Variants in BRINP3 observed in about 807,000 individuals in gnomAD.
The protein encoded by BRINP3 is BMP/retinoic acid-inducible neural-specific protein 3.
BRINP3 carries 19 observed loss-of-function variants against 71.0 expected under a neutral mutation model. The ratio of observed to expected loss-of-function variants is 0.27; its 90% CI spans 0.19 to 0.39. The LOEUF (loss-of-function observed/expected upper bound fraction) is 0.39, where lower values mean the gene tolerates loss of function less well. BRINP3 is among the 10% of genes least tolerant of loss of function. BRINP3 has a pLI of 1.00. For synonymous variants in BRINP3, 380 were observed against 337.7 expected (o/e 1.13, Z -1.37); for missense variants, 959 against 940.8 (o/e 1.02, Z -0.25).
intron 2 of BRINP3, 88 bp from the exon 3 acceptor site, chr1:190,281,838 T>C: frequency 8.3e-7 from 1 of 1,210,966 alleles, no homozygotes; most frequent in East Asian, 2.5e-5. Context: ...GGTCAGTACA[T>C]TACAATGTCT....
rs571974403 is a variant in BRINP3, at chr1:190,412,820, A to C, written c.236+41835T>G. ...TACATTTTTGGTAAAAATGTTAAAA[A>C]AATTTTGGTAAAAAATGCATAATGT... On this transcript the variant is annotated intron_variant, in intron 2 of 7. Transcript: ENST00000367462. 2.6e-3 allele frequency among the ~76,000 whole-genome samples: 389 copies of C among 152,198 alleles called. 3 individuals are homozygous for C. Among genetic ancestry groups the C allele is most frequent in the Middle Eastern group, 0.017 (5 of 294 alleles).
intron 2 of BRINP3, among the ~76,000 whole-genome samples, chr1:190,342,131 T>C (rs1667698067): frequency 6.6e-6 from 1 of 151,566 alleles, no homozygotes; most frequent in Non-Finnish European, 1.5e-5. Flanking sequence ...ATTTATCTGG[T>C]TCTCTGTCTT....
At chr1:190,341,423 A>C (rs1667646801) in intron 2 of BRINP3, among the ~76,000 whole-genome samples, 1 of 151,888 alleles carries the variant, frequency 6.6e-6, no homozygotes, top group Non-Finnish European at 1.5e-5. Context: ...AAGAGCTTTA[A>C]AATGTACTTT....
intron 2 of BRINP3, among the ~76,000 whole-genome samples, chr1:190,331,978 C>T (rs528981641): frequency 5.9e-5 from 9 of 151,964 alleles, no homozygotes; most frequent in Middle Eastern, 3.4e-3. Flanking sequence ...ATTATCTTTT[C>T]GTGCTTTTTA....
At chr1:190,380,096 T>A (rs1670454674) in intron 2 of BRINP3, among the ~76,000 whole-genome samples, 1 of 152,162 alleles carries the variant, frequency 6.6e-6, no homozygotes, top group Admixed American at 6.6e-5. Flanking sequence ...GAAATCACCT[T>A]TGCTGCTCTG....
intron 2 of BRINP3, among the ~76,000 whole-genome samples, chr1:190,386,329 T>A (rs1214573082): frequency 1.3e-5 from 2 of 151,526 alleles, no homozygotes; most frequent in African/African-American, 4.8e-5. Context: ...GCAACTAAAA[T>A]CAATGCTGCA....
In BRINP3 at chr1:190,140,145, G is replaced by T. The variant is rs575296791; in HGVS notation, c.1184+20523C>A. 6.6e-5 allele frequency among the ~76,000 whole-genome samples: 10 copies of T among 152,254 alleles called. No homozygotes were observed. The East Asian group carries it at 1.9e-3, about 29-fold the overall frequency. ...TATTTTAGGAAAAAACAGCTAAGCT[G>T]CACTTAATTTGAGTATTTTTTATTT... On this transcript the variant is annotated intron_variant, in intron 7 of 7. Transcript: ENST00000367462.
chr1:190,224,320 C>T (rs1026910931), intron 6 of BRINP3, among the ~76,000 whole-genome samples: 1 of 151,578 alleles, frequency 6.6e-6, no homozygotes, highest in Admixed American at 6.6e-5. Flanking sequence ...GAATAGAGAA[C>T]CATATATATA....
At chr1:190,261,478 A>T (rs758569045) in intron 4 of BRINP3, among the ~76,000 whole-genome samples, 77 of 152,266 alleles carry the variant, frequency 5.1e-4, no homozygotes, top group Admixed American at 1.1e-3. Context: ...ATTATAAAAG[A>T]CAAAACAAAC....
intron 2 of BRINP3, among the ~76,000 whole-genome samples, chr1:190,349,076 G>A (rs994013793): frequency 2.0e-5 from 3 of 151,998 alleles, no homozygotes; most frequent in East Asian, 1.9e-4. Context: ...TATGTTGATC[G>A]GCCAGTGCAT....
chr1:190,411,944 C>T (rs568307419), intron 2 of BRINP3, among the ~76,000 whole-genome samples: 2 of 152,102 alleles, frequency 1.3e-5, no homozygotes, highest in East Asian at 3.9e-4. Context: ...AAATCGACGA[C>T]TGAAATTCTG....
At chr1:190,249,852 A>T (rs1166282711) in intron 4 of BRINP3, among the ~76,000 whole-genome samples, 1 of 151,916 alleles carries the variant, frequency 6.6e-6, no homozygotes, top group East Asian at 1.9e-4. Context: ...TAAATTTCTT[A>T]CCAAAACCTC....
At position 190,156,043 on chromosome 1, in the gene BRINP3, A is replaced by G. The variant is rs538944315; in HGVS notation, c.1184+4625T>C. Among the ~76,000 whole-genome samples the G allele has an allele frequency of 1.1e-4, 16 of 152,244 alleles. 1 individual carries two copies. Among genetic ancestry groups the G allele is most frequent in the African/African-American group, 3.6e-4 (15 of 41,568 alleles). ...AGCTGCAAAGTTTTAGAATAGGAGC[A>G]AAAGTTGACTACCTCAAGGAAACCA... is the stretch of plus-strand genomic sequence containing the variant. On this transcript the variant is annotated intron_variant, in intron 7 of 7. Coordinates refer to ENST00000367462, the MANE Select transcript of BRINP3 (RefSeq NM_199051.3).
At chr1:190,151,826 T>C (rs1400691526) in intron 7 of BRINP3, among the ~76,000 whole-genome samples, 1 of 152,092 alleles carries the variant, frequency 6.6e-6, no homozygotes, top group Non-Finnish European at 1.5e-5. Context: ...AATTGCCAAA[T>C]ATTTTACTGT....
chr1:190,122,634 A>T (rs1364195795), intron 7 of BRINP3, among the ~76,000 whole-genome samples: 1 of 151,952 alleles, frequency 6.6e-6, no homozygotes, highest in East Asian at 1.9e-4. Context: ...ATGTTAAATG[A>T]CCAGTTAATG....
chr1:190,273,760 C>T (rs2102906926), intron 3 of BRINP3, among the ~76,000 whole-genome samples: 3 of 151,588 alleles, frequency 2.0e-5, no homozygotes, highest in Middle Eastern at 6.8e-3. Flanking sequence ...TGGATTTTCT[C>T]AATTGGCATT....
At chr1:190,463,512 C>A (rs557870459) in intron 1 of BRINP3, among the ~76,000 whole-genome samples, 2 of 151,642 alleles carry the variant, frequency 1.3e-5, no homozygotes, top group African/African-American at 4.8e-5. Context: ...AGACATTGCT[C>A]TTTTAGGACA....
intron 7 of BRINP3, among the ~76,000 whole-genome samples, chr1:190,156,514 ATT>A (rs34512031): frequency 4.0e-5 from 6 of 150,540 alleles, no homozygotes; most frequent in East Asian, 2.0e-4. Context: ...TCCAGTACAT[ATT>A]TTTTTTTTGT....
intron 2 of BRINP3, among the ~76,000 whole-genome samples, chr1:190,428,783 T>C (rs1454441409): frequency 1.3e-5 from 2 of 152,038 alleles, no homozygotes; most frequent in Non-Finnish European, 2.9e-5. Context: ...TCCATAAATA[T>C]GTACAATGAT....
Sources: gnomAD v4.1 joint callset for allele counts (sites outside exome capture counted in the v4.1 genomes callset) on GRCh38, gnomAD v4.1.1 for gene constraint, MANE v1.5 for transcripts, NCBI Gene and HGNC (gene_info 2026-07-23, HGNC 2026-07-21) for gene names.